GRIN2B: variants seen among roughly 807,000 people sequenced by gnomAD.
The protein encoded by GRIN2B is glutamate receptor ionotropic, NMDA 2B.
A neutral mutation model predicts 114.5 loss-of-function variants in GRIN2B; 5 were observed. That is an observed-to-expected ratio of 0.04 (90% CI 0.02 to 0.09). The LOEUF is 0.09. Ranked by LOEUF, GRIN2B falls within the 10% of genes least tolerant of loss-of-function variation. The pLI is 1.00. For synonymous variants in GRIN2B, 787 were observed against 745.1 expected (o/e 1.06, Z -0.92); for missense variants, 1,108 against 1,943.5 (o/e 0.57, Z 8.08).
intron 10 of GRIN2B, among the ~76,000 whole-genome samples, chr12:13,572,593 G>A: frequency 6.6e-6 from 1 of 152,132 alleles, no homozygotes; most frequent in African/African-American, 2.4e-5. Context: ...GCTTGAGACT[G>A]AGAGTACATC....
intron 3 of GRIN2B, among the ~76,000 whole-genome samples, chr12:13,804,604 C>A (rs565901378): frequency 6.6e-6 from 1 of 152,268 alleles, no homozygotes; most frequent in South Asian, 2.1e-4. Context: ...ATTCAAATAA[C>A]ATTTTCTCCA....
chr12:13,887,882 CTG>C (rs1866192588), intron 2 of GRIN2B, among the ~76,000 whole-genome samples: 1 of 152,162 alleles, frequency 6.6e-6, no homozygotes, highest in Non-Finnish European at 1.5e-5. Context: ...GGGAAGAAAA[CTG>C]TGTCATGTCC....
At chr12:13,621,785 C>G (rs1232163816) in intron 5 of GRIN2B, among the ~76,000 whole-genome samples, 1 of 151,938 alleles carries the variant, frequency 6.6e-6, no homozygotes, top group Admixed American at 6.6e-5. Context: ...CATAAGGCTT[C>G]CCGTAGGAAA....
chr12:13,794,705 G>T (rs913208474), intron 3 of GRIN2B, among the ~76,000 whole-genome samples: 1 of 152,238 alleles, frequency 6.6e-6, no homozygotes, highest in African/African-American at 2.4e-5. Context: ...GCCATGGAAT[G>T]GGAAGATATA....
intron 10 of GRIN2B, among the ~76,000 whole-genome samples, chr12:13,599,668 C>T (rs1474178412): frequency 6.6e-6 from 1 of 152,166 alleles, no homozygotes; most frequent in Non-Finnish European, 1.5e-5. Flanking sequence ...GGGGAACTCT[C>T]CTATTTTATG....
At chr12:13,685,737 A>G (rs368660924) in intron 4 of GRIN2B, among the ~76,000 whole-genome samples, 21 of 152,322 alleles carry the variant, frequency 1.4e-4, no homozygotes, top group African/African-American at 4.8e-4. Context: ...CCTTTCACAT[A>G]GGGAACGAAA....
intron 2 of GRIN2B, among the ~76,000 whole-genome samples, chr12:13,944,713 G>A (rs941258366): frequency 4.6e-5 from 7 of 152,170 alleles, no homozygotes; most frequent in African/African-American, 7.2e-5. Flanking sequence ...GGGCAGGGAC[G>A]TGAACCCATA....
intron 3 of GRIN2B, among the ~76,000 whole-genome samples, chr12:13,798,302 A>C (rs572364691): frequency 6.6e-6 from 1 of 152,244 alleles, no homozygotes; most frequent in Admixed American, 6.5e-5. Context: ...TTACTAAAAA[A>C]AAAAAAGTCA....
chr12:13,606,108 C>G (rs1440094051), intron 10 of GRIN2B, among the ~76,000 whole-genome samples: 1 of 152,224 alleles, frequency 6.6e-6, no homozygotes, highest in African/African-American at 2.4e-5. Flanking sequence ...TCTGACAAGT[C>G]TACACATGGG....
chr12:13,615,690 A>G lies in GRIN2B; in HGVS notation c.1329-26T>C. The G allele has an allele frequency of 6.2e-7, 1 of 1,604,618 alleles. No homozygotes were observed. The highest frequency in any genetic ancestry group is 8.5e-7 in the Non-Finnish European group (1 of 1,171,466). ...CTAGCCAATTAAAGAAACAAAAACAAACAAACAAAAAAGTCTTTGTACAAA... is the reference window on the plus strand; with the variant it reads ...CTAGCCAATTAAAGAAACAAAAACAGACAAACAAAAAAGTCTTTGTACAAA... On this transcript the variant is annotated intron_variant, in intron 6 of 13. Transcript: ENST00000609686. This position sits in a 1 kb window ranked among gnomAD's most constrained non-coding sequence, Gnocchi z 5.8.
chr12:13,584,923 A>G (rs781461079), intron 10 of GRIN2B, among the ~76,000 whole-genome samples: 1 of 152,108 alleles, frequency 6.6e-6, no homozygotes, highest in South Asian at 2.1e-4. Context: ...TGTCCACTGC[A>G]CTCTACCTCA....
chr12:13,863,438 A>G (rs1257162303), intron 3 of GRIN2B, among the ~76,000 whole-genome samples: 1 of 152,228 alleles, frequency 6.6e-6, no homozygotes, highest in Admixed American at 6.5e-5. Context: ...AAGAGAGTAC[A>G]CAGCCTTTGA....
At chr12:13,637,427 A>T (rs1367133405) in intron 5 of GRIN2B, among the ~76,000 whole-genome samples, 1 of 152,166 alleles carries the variant, frequency 6.6e-6, no homozygotes, top group East Asian at 1.9e-4. Flanking sequence ...ATAGAAAAGG[A>T]CAGTGTGAAA....
intron 3 of GRIN2B, among the ~76,000 whole-genome samples, chr12:13,780,286 T>TAA (rs542023307): frequency 9.6e-5 from 14 of 145,774 alleles, no homozygotes; most frequent in African/African-American, 3.2e-4. Context: ...TAGAGCTATT[T>TAA]AAAAAAAAAA....
At chr12:13,726,545 G>GAAATATATATATATATTTATATATTAT in intron 4 of GRIN2B, among the ~76,000 whole-genome samples, 1 of 145,108 alleles carries the variant, frequency 6.9e-6, no homozygotes. Flanking sequence ...AAAAAAGAAA[G>GAAATATATATATATATTTATATATTAT]AAATATATAT....
chr12:13,840,318 A>G (rs1565558201), intron 3 of GRIN2B, among the ~76,000 whole-genome samples: 1 of 152,200 alleles, frequency 6.6e-6, no homozygotes, highest in Non-Finnish European at 1.5e-5. Context: ...CAGCAGAATA[A>G]AATAGGTAAA....
intron 2 of GRIN2B, among the ~76,000 whole-genome samples, chr12:13,929,673 G>C (rs1476901683): frequency 6.6e-6 from 1 of 152,132 alleles, no homozygotes; most frequent in African/African-American, 2.4e-5. Context: ...GAGCTGCCTA[G>C]GTCCAATTTC....
chr12:13,599,879 A>C (rs1029954467), intron 10 of GRIN2B, among the ~76,000 whole-genome samples: 1 of 152,222 alleles, frequency 6.6e-6, no homozygotes, highest in Non-Finnish European at 1.5e-5. Flanking sequence ...AATGATTCCA[A>C]CAGTTAAAAG....
intron 5 of GRIN2B, among the ~76,000 whole-genome samples, chr12:13,619,195 G>C (rs575855503): frequency 1.9e-4 from 29 of 152,294 alleles, no homozygotes; most frequent in Middle Eastern, 3.4e-3. Context: ...ATATGAATTA[G>C]TTGGAATGAT....
Sources: allele counts gnomAD v4.1 joint callset (sites outside exome capture counted in the v4.1 genomes callset), GRCh38; gene constraint gnomAD v4.1.1; non-coding constraint Gnocchi (gnomAD v3.1); transcripts MANE v1.5; gene names NCBI Gene and HGNC (gene_info 2026-07-23, HGNC 2026-07-21).